The following EXOC2 variants were observed in gnomAD, a reference collection of about 807,000 sequenced individuals.
EXOC2 encodes exocyst complex component 2.
Under a neutral mutation model 131.8 loss-of-function variants are expected in EXOC2, and 70 were observed. The ratio of observed to expected loss-of-function variants is 0.53; its 90% CI spans 0.44 to 0.65. The LOEUF (loss-of-function observed/expected upper bound fraction) is 0.65, where lower values mean the gene tolerates loss of function less well. EXOC2 is among the 30% of genes least tolerant of loss of function. The pLI is 0.00. For synonymous variants in EXOC2, 411 were observed against 398.4 expected (o/e 1.03, Z -0.38); for missense variants, 923 against 1,108.6 (o/e 0.83, Z 2.38).
At chr6:501,202 T>TC (rs1422418986) in intron 23 of EXOC2, among the ~76,000 whole-genome samples, 3 of 9,048 alleles carry the variant, frequency 3.3e-4, no homozygotes, top group Non-Finnish European at 5.6e-4. Flanking sequence ...TCTATATATA[T>TC]TATATATATA....
intron 1 of EXOC2, among the ~76,000 whole-genome samples, chr6:662,495 A>C (rs1581652247): frequency 6.6e-6 from 1 of 152,264 alleles, no homozygotes; most frequent in Non-Finnish European, 1.5e-5. Flanking sequence ...ATCAACTCCA[A>C]ACAGAACCTT....
intron 23 of EXOC2, chr6:524,460 A>G (rs566102584): frequency 2.0e-5 from 3 of 152,348 alleles, no homozygotes; most frequent in Admixed American, 6.5e-5. Context: ...CATGGACAAT[A>G]GTGCTTTGAT....
At chr6:677,892 C>T (rs555866674) in intron 1 of EXOC2, among the ~76,000 whole-genome samples, 25 of 152,064 alleles carry the variant, frequency 1.6e-4, no homozygotes, top group African/African-American at 4.6e-4. Context: ...CAGCAGGAAT[C>T]ACACCTAGGC....
intron 26 of EXOC2, among the ~76,000 whole-genome samples, 194 bp downstream of exon 26, chr6:490,931 A>G (rs1179960663): frequency 1.3e-5 from 2 of 152,246 alleles, no homozygotes; most frequent in Non-Finnish European, 2.9e-5. Flanking sequence ...AAGATTTGTC[A>G]GTAGTAAATG....
At chr6:678,964 C>T (rs1446896468) in intron 1 of EXOC2, among the ~76,000 whole-genome samples, 1 of 151,846 alleles carries the variant, frequency 6.6e-6, no homozygotes, top group African/African-American at 2.4e-5. Context: ...TTAAAGAATT[C>T]CTGGTGATGT....
At chr6:622,998 C>T (rs1254525135) in intron 4 of EXOC2, among the ~76,000 whole-genome samples, 1 of 152,238 alleles carries the variant, frequency 6.6e-6, no homozygotes, top group Non-Finnish European at 1.5e-5. Flanking sequence ...AGAAACTCTC[C>T]TACCCCCAGG....
chr6:507,658 G>T (rs1256038169), intron 23 of EXOC2, among the ~76,000 whole-genome samples: 1 of 152,158 alleles, frequency 6.6e-6, no homozygotes, highest in Non-Finnish European at 1.5e-5. Flanking sequence ...ATAATGCCCA[G>T]CAGTACCTGA....
At chr6:491,080 C>T (rs372756516) in intron 26 of EXOC2, 45 bp downstream of exon 26, 1 of 1,596,134 alleles carries the variant, frequency 6.3e-7, no homozygotes. Context: ...GTAAGACAAC[C>T]TTTATTTTTA....
chr6:637,566 CT>C, intron 2 of EXOC2, 134 bp downstream of exon 2: 1 of 581,672 alleles, frequency 1.7e-6, no homozygotes. Context: ...ATTCTTTCGT[CT>C]TTTTGGAGCA....
Position 663,500 on chromosome 6 carries a change from A to C in EXOC2, c.-43-25639T>G, listed in dbSNP as rs1763507231. On this transcript the variant is annotated intron_variant, in intron 1 of 27. Coordinates refer to ENST00000230449, the MANE Select transcript of EXOC2 (RefSeq NM_018303.6). ...GACATAACAAAAAAGAAAACTACAGACCAATATCCTTGATGAACATAGATG... is the reference window on the plus strand; with the variant it reads ...GACATAACAAAAAAGAAAACTACAGCCCAATATCCTTGATGAACATAGATG... Among the ~76,000 whole-genome samples, 3 of 152,180 alleles carry C rather than the reference A, an allele frequency of 2.0e-5. No individual in the cohort carries two copies. In the South Asian group the frequency reaches 6.2e-4, roughly 32 times the overall value.
chr6:498,638 A>C (rs575014411), intron 24 of EXOC2, among the ~76,000 whole-genome samples: 1 of 152,304 alleles, frequency 6.6e-6, no homozygotes, highest in Non-Finnish European at 1.5e-5. Flanking sequence ...TTGGCGCTTC[A>C]AACTTCTAGC....
chr6:507,093 TACACAC>T (rs752368639), intron 23 of EXOC2, among the ~76,000 whole-genome samples: 2 of 87,088 alleles, frequency 2.3e-5, no homozygotes, highest in African/African-American at 8.7e-5. Context: ...AGTGACTACA[TACACAC>T]ACACACACAG....
chr6:512,729 G>A (rs1309994527), intron 23 of EXOC2, among the ~76,000 whole-genome samples: 3 of 152,198 alleles, frequency 2.0e-5, no homozygotes, highest in African/African-American at 7.2e-5. Context: ...GAGTGATAAA[G>A]TTAGAATTGG....
chr6:656,449 T>C, intron 1 of EXOC2: 1 of 1,613,354 alleles, frequency 6.2e-7, no homozygotes, highest in Non-Finnish European at 8.5e-7. Flanking sequence ...ACGATGCTCC[T>C]CAGCGTCCTC....
At chr6:503,037 C>G (rs957255137) in intron 23 of EXOC2, among the ~76,000 whole-genome samples, 1 of 152,210 alleles carries the variant, frequency 6.6e-6, no homozygotes, top group Non-Finnish European at 1.5e-5. Context: ...GAGCTGCCAT[C>G]ATAACCTCCC....
chr6:513,465 G>A (rs991604192), intron 23 of EXOC2, among the ~76,000 whole-genome samples: 1 of 152,208 alleles, frequency 6.6e-6, no homozygotes, highest in African/African-American at 2.4e-5. Flanking sequence ...CAACCCGACC[G>A]TAGAGTACAA....
At chr6:516,694 G>A (rs1359528264) in intron 23 of EXOC2, among the ~76,000 whole-genome samples, 2 of 152,208 alleles carry the variant, frequency 1.3e-5, no homozygotes, top group African/African-American at 2.4e-5. Context: ...TAGCATCTAC[G>A]CAAGTATCTG....
rs1182179214 is a variant in EXOC2 at position 685,124 on chromosome 6, G to GAA, written c.-44+7893_-44+7894dup. On this transcript the variant is annotated intron_variant, in intron 1 of 27. Transcript: ENST00000230449. ...AAGGTGATTTTCCCCACAATCATTTGAAAACACACACACACACACACACAC... is the reference window on the plus strand; with the variant it reads ...AAGGTGATTTTCCCCACAATCATTTGAAAAAACACACACACACACACACACAC... Among the ~76,000 whole-genome samples the GAA allele has an allele frequency of 2.3e-5, 3 of 132,642 alleles. No homozygotes were observed. The East Asian group carries it at 5.8e-4, about 26-fold the overall frequency. The allele number at this position is 132,642 out of a possible 152,430, so 87.0% of individuals were successfully genotyped here.
At chr6:647,588 G>T (rs1250297983) in intron 1 of EXOC2, among the ~76,000 whole-genome samples, 1 of 128,712 alleles carries the variant, frequency 7.8e-6, no homozygotes, top group East Asian at 2.2e-4. Flanking sequence ...CATATGTCCT[G>T]TGAGGTCATT....
Sources: gnomAD v4.1 joint callset for allele counts (sites outside exome capture counted in the v4.1 genomes callset) on GRCh38, gnomAD v4.1.1 for gene constraint, MANE v1.5 for transcripts, NCBI Gene and HGNC (gene_info 2026-07-23, HGNC 2026-07-21) for gene names.